NEDD4L: variants seen among roughly 807,000 people sequenced by gnomAD.
NEDD4L encodes NEDD4 like E3 ubiquitin protein ligase, also known as E3 ubiquitin-protein ligase NEDD4-like.
NEDD4L carries 54 observed loss-of-function variants against 148.9 expected under a neutral mutation model. The observed-to-expected ratio is 0.36, with a 90% CI of 0.29 to 0.45. The LOEUF (loss-of-function observed/expected upper bound fraction) is 0.45, where lower values mean the gene tolerates loss of function less well. Among genes scored for constraint, NEDD4L ranks in the 20% least tolerant of loss-of-function variants. NEDD4L has a pLI of 1.00. For missense variants in NEDD4L, 856 were observed against 1,233.8 expected (o/e 0.69, Z 4.59); for synonymous variants, 433 against 440.7 (o/e 0.98, Z 0.22).
intron 1 of NEDD4L, among the ~76,000 whole-genome samples, chr18:58,153,008 G>T (rs1043223299): frequency 6.6e-6 from 1 of 152,164 alleles, no homozygotes; most frequent in Non-Finnish European, 1.5e-5. Flanking sequence ...TGTCTTCAGG[G>T]TTTTAGGGGA....
intron 1 of NEDD4L, chr18:58,149,399 G>A: frequency 6.7e-7 from 1 of 1,489,582 alleles, no homozygotes; most frequent in South Asian, 1.4e-5. Flanking sequence ...CTTCTCTCCT[G>A]TGACCTTGTC....
intron 24 of NEDD4L, among the ~76,000 whole-genome samples, chr18:58,374,590 C>G (rs8092866): frequency 0.17 from 25,193 of 151,866 alleles, 2,218 homozygotes; most frequent in South Asian, 0.26. Context: ...CAGCTGCTGC[C>G]CCTCTGGTCT....
intron 2 of NEDD4L, among the ~76,000 whole-genome samples, chr18:58,193,655 G>A (rs1451288072): frequency 6.6e-6 from 1 of 152,188 alleles, no homozygotes; most frequent in Non-Finnish European, 1.5e-5. Flanking sequence ...AGACCCTGCT[G>A]GACCTAGATA....
rs780108936 is a variant in NEDD4L, at chr18:58,324,977, C to T, written c.514-19C>T. ...CGAAGAACCAACCTCATAATCGTCC[C>T]TTTAACTTTATTCCGCAGCATGGAT... On this transcript the variant is annotated intron_variant, in intron 8 of 30. Transcript: ENST00000400345. 6.2e-7 allele frequency: 1 copy of T among 1,607,658 alleles called. No individual in the cohort carries two copies. The highest frequency in any genetic ancestry group is 8.5e-7 in the Non-Finnish European group (1 of 1,176,354).
chr18:58,346,343 G>T (rs977569411), intron 16 of NEDD4L, among the ~76,000 whole-genome samples: 1 of 152,248 alleles, frequency 6.6e-6, no homozygotes, highest in African/African-American at 2.4e-5. Flanking sequence ...TAGGGATGCT[G>T]AAGTGGTAAG....
chr18:58,123,717 C>T (rs1443944128), intron 1 of NEDD4L, among the ~76,000 whole-genome samples: 1 of 152,128 alleles, frequency 6.6e-6, no homozygotes, highest in Non-Finnish European at 1.5e-5. Context: ...CTCCACACCT[C>T]CCATCATTCT....
chr18:58,138,192 T>C (rs1355310383), intron 1 of NEDD4L, among the ~76,000 whole-genome samples: 2 of 152,238 alleles, frequency 1.3e-5, no homozygotes, highest in Non-Finnish European at 2.9e-5. Flanking sequence ...CTATTTTTAT[T>C]TCATTAAATA....
intron 5 of NEDD4L, among the ~76,000 whole-genome samples, chr18:58,305,489 C>T (rs571592041): frequency 6.6e-6 from 1 of 152,312 alleles, no homozygotes; most frequent in East Asian, 1.9e-4. Flanking sequence ...TAATGGCACA[C>T]CTCAGTGCTG....
chr18:58,363,022 C>CA (rs2045674123), intron 19 of NEDD4L, among the ~76,000 whole-genome samples: 1 of 152,130 alleles, frequency 6.6e-6, no homozygotes, highest in Non-Finnish European at 1.5e-5. Flanking sequence ...TCAAAGAAGA[C>CA]TGGCTTAAAA....
At chr18:58,051,605 G>A (rs1749790687) in intron 1 of NEDD4L, among the ~76,000 whole-genome samples, 1 of 152,178 alleles carries the variant, frequency 6.6e-6, no homozygotes, top group Admixed American at 6.5e-5. Context: ...TACAAGATCT[G>A]CATTAAACAG....
chr18:58,341,933 C>A, intron 15 of NEDD4L, 136 bp downstream of exon 15: 1 of 945,978 alleles, frequency 1.1e-6, no homozygotes, highest in Non-Finnish European at 1.6e-6. Context: ...GAAGGGTGTT[C>A]TTGTGCAGCC....
At chr18:58,175,832 C>A (rs1416171807) in intron 2 of NEDD4L, among the ~76,000 whole-genome samples, 1 of 152,138 alleles carries the variant, frequency 6.6e-6, no homozygotes, top group Non-Finnish European at 1.5e-5. Context: ...TGTTTACCTC[C>A]TAGTCTTTAA....
chr18:58,065,841 A>G (rs1375734511), intron 1 of NEDD4L, among the ~76,000 whole-genome samples: 1 of 152,214 alleles, frequency 6.6e-6, no homozygotes, highest in Non-Finnish European at 1.5e-5. Flanking sequence ...CGTGTTTGCC[A>G]CCACACAGAG....
intron 2 of NEDD4L, among the ~76,000 whole-genome samples, chr18:58,225,273 C>G (rs1452341089): frequency 1.3e-5 from 2 of 152,112 alleles, no homozygotes; most frequent in Non-Finnish European, 2.9e-5. Flanking sequence ...GAGCATGACA[C>G]AGAACTGAAA....
intron 16 of NEDD4L, among the ~76,000 whole-genome samples, chr18:58,345,722 C>T (rs2042954042): frequency 6.6e-6 from 1 of 151,626 alleles, no homozygotes; most frequent in Non-Finnish European, 1.5e-5. Flanking sequence ...TAAAGTTTGG[C>T]CTCATTCTCT....
chr18:58,235,187 A>G (rs1397231569), intron 2 of NEDD4L, among the ~76,000 whole-genome samples: 2 of 152,070 alleles, frequency 1.3e-5, no homozygotes, highest in African/African-American at 4.8e-5. Flanking sequence ...CAGTACACAT[A>G]ATTGTATACC....
chr18:58,351,158 T>TA, intron 18 of NEDD4L, 113 bp downstream of exon 18: 1 of 1,524,518 alleles, frequency 6.6e-7, no homozygotes, highest in Non-Finnish European at 8.8e-7. Flanking sequence ...AGCCAGGTGT[T>TA]ATGTGGAGAA....
intron 19 of NEDD4L, among the ~76,000 whole-genome samples, chr18:58,362,812 G>A (rs1047369771): frequency 6.6e-6 from 1 of 152,238 alleles, no homozygotes; most frequent in African/African-American, 2.4e-5. Flanking sequence ...GTGACGGGAT[G>A]TACTGTTGGT....
At chr18:58,055,783 CCTT>C (rs2144586445) in intron 1 of NEDD4L, among the ~76,000 whole-genome samples, 1 of 152,350 alleles carries the variant, frequency 6.6e-6, no homozygotes, top group East Asian at 1.9e-4. Context: ...GAATTTCCAT[CCTT>C]CTGTGCACTC....
Sources: gnomAD v4.1 joint callset for allele counts (sites outside exome capture counted in the v4.1 genomes callset) on GRCh38, gnomAD v4.1.1 for gene constraint, MANE v1.5 for transcripts, NCBI Gene and HGNC (gene_info 2026-07-23, HGNC 2026-07-21) for gene names.